The following CNTN4 variants were observed in gnomAD, a reference collection of about 807,000 sequenced individuals.
CNTN4 encodes contactin 4.
In CNTN4, 77 loss-of-function variants were observed where a neutral mutation model predicts 122.5. The ratio of observed to expected loss-of-function variants is 0.63; its 90% CI spans 0.52 to 0.76. The LOEUF is 0.76. Among genes scored for constraint, CNTN4 ranks in the 30% least tolerant of loss-of-function variants. CNTN4 has a pLI of 0.00. For missense variants in CNTN4, 1,256 were observed against 1,259.1 expected, an observed-to-expected ratio of 1.00 and a Z score of 0.04; for synonymous variants, 512 against 447.0, an observed-to-expected ratio of 1.15 and a Z score of -1.83.
intron 7 of CNTN4, among the ~76,000 whole-genome samples, chr3:2,857,930 C>G (rs978083694): frequency 6.6e-6 from 1 of 152,188 alleles, no homozygotes; most frequent in African/African-American, 2.4e-5. Flanking sequence ...CATTCTTATA[C>G]CAACAAAAGT....
intron 6 of CNTN4, among the ~76,000 whole-genome samples, chr3:2,747,309 T>G (rs955557503): frequency 1.3e-5 from 2 of 151,276 alleles, no homozygotes; most frequent in South Asian, 2.1e-4. Context: ...CTCGGGAGGC[T>G]GAGGCAGGAG....
At chr3:2,853,378 G>A (rs1310493703) in intron 7 of CNTN4, among the ~76,000 whole-genome samples, 4 of 152,100 alleles carry the variant, frequency 2.6e-5, no homozygotes, top group Non-Finnish European at 5.9e-5. Context: ...CCAAGTAGCT[G>A]AGGCTACAGG....
At chr3:2,517,420 G>A (rs186562761) in intron 3 of CNTN4, among the ~76,000 whole-genome samples, 1 of 152,096 alleles carries the variant, frequency 6.6e-6, no homozygotes, top group Non-Finnish European at 1.5e-5. Context: ...TCCCTCCAAT[G>A]ATCTGTATTA....
chr3:2,607,307 AG>A (rs2081297134), intron 4 of CNTN4, among the ~76,000 whole-genome samples: 1 of 152,202 alleles, frequency 6.6e-6, no homozygotes, highest in South Asian at 2.1e-4. Flanking sequence ...CTAGAAAAGC[AG>A]GTGCATATAC....
chr3:2,545,094 G>T (rs775041556), intron 3 of CNTN4, among the ~76,000 whole-genome samples: 7 of 152,038 alleles, frequency 4.6e-5, no homozygotes, highest in Non-Finnish European at 1.0e-4. Context: ...TAGTTTCAAA[G>T]AATTTCTTGA....
At chr3:2,180,617 G>A (rs17009111) in intron 2 of CNTN4, among the ~76,000 whole-genome samples, 45,266 of 151,786 alleles carry the variant, frequency 0.3, 7,247 homozygotes, top group East Asian at 0.46. Context: ...ATGTTTCCCA[G>A]TCCAGTTTCT....
At position 2,372,365 on chromosome 3, in the gene CNTN4, C is replaced by T. The variant is rs544411245; in HGVS notation, c.-89+33132C>T. Among the ~76,000 whole-genome samples, 7 of 152,280 alleles carry T rather than the reference C, an allele frequency of 4.6e-5. 1 individual carries two copies. In the South Asian group the frequency reaches 1.5e-3, roughly 32 times the overall value. On this transcript the variant is annotated intron_variant, in intron 3 of 24. Transcript: ENST00000418658. ...AGGAATATGTGATAGAATGTAGAAT[C>T]CAAAGGGCAATAAAATATAAATATG...
At chr3:2,812,548 GGTTT>G (rs2092637597) in intron 6 of CNTN4, among the ~76,000 whole-genome samples, 1 of 151,376 alleles carries the variant, frequency 6.6e-6, no homozygotes, top group African/African-American at 2.4e-5. Flanking sequence ...AGTCTTATCA[GGTTT>G]GTTTTTTTTG....
At chr3:2,976,422 T>A (rs1002095202) in intron 13 of CNTN4, among the ~76,000 whole-genome samples, 2 of 152,092 alleles carry the variant, frequency 1.3e-5, no homozygotes, top group African/African-American at 4.8e-5. Flanking sequence ...TGTTCAGCAG[T>A]TTATTAAACC....
At chr3:2,668,744 C>A (rs2084321151) in intron 4 of CNTN4, among the ~76,000 whole-genome samples, 1 of 152,064 alleles carries the variant, frequency 6.6e-6, no homozygotes, top group Non-Finnish European at 1.5e-5. Flanking sequence ...ATAGATAGTT[C>A]TTATTATTTT....
intron 3 of CNTN4, among the ~76,000 whole-genome samples, chr3:2,510,199 C>G (rs2076843607): frequency 6.6e-6 from 1 of 152,120 alleles, no homozygotes; most frequent in Middle Eastern, 3.2e-3. Flanking sequence ...TCCCGTCACC[C>G]CAGTGCTATT....
At chr3:2,960,366 T>C (rs1490633254) in intron 13 of CNTN4, among the ~76,000 whole-genome samples, 3 of 152,088 alleles carry the variant, frequency 2.0e-5, no homozygotes, top group Non-Finnish European at 2.9e-5. Flanking sequence ...AGAGCCATAC[T>C]TTAGATAAAT....
At chr3:2,124,604 A>G (rs887368508) in intron 2 of CNTN4, among the ~76,000 whole-genome samples, 2 of 151,986 alleles carry the variant, frequency 1.3e-5, no homozygotes, top group African/African-American at 4.8e-5. Context: ...CTCAACAACA[A>G]CAATGACAAC....
Position 2,501,703 on chromosome 3 carries a change from A to C in CNTN4, c.-88-69713A>C, listed in dbSNP as rs115100069. Reference sequence around the variant, plus strand: ...CCCTGTGATTATATTGGGCCCACCCATATAATCTAGGATAACATCCCATGT... The same window carrying C: ...CCCTGTGATTATATTGGGCCCACCCCTATAATCTAGGATAACATCCCATGT... On this transcript the variant is annotated intron_variant, in intron 3 of 24. Coordinates refer to ENST00000418658, the MANE Select transcript of CNTN4 (RefSeq NM_175607.3). Among the ~76,000 whole-genome samples the C allele has an allele frequency of 3.7e-3, 570 of 152,306 alleles. 8 individuals carry two copies. The highest frequency in any genetic ancestry group is 0.013 in the African/African-American group (542 of 41,580).
chr3:2,498,569 C>T (rs920864175), intron 3 of CNTN4, among the ~76,000 whole-genome samples: 4 of 152,132 alleles, frequency 2.6e-5, no homozygotes, highest in Non-Finnish European at 5.9e-5. Flanking sequence ...CAGCCTTGGC[C>T]TCCCAGGCTC....
intron 2 of CNTN4, among the ~76,000 whole-genome samples, chr3:2,304,027 C>A (rs544932208): frequency 6.6e-6 from 1 of 152,148 alleles, no homozygotes; most frequent in East Asian, 1.9e-4. Context: ...TCCTGTAAAT[C>A]TAGGTTACAT....
chr3:2,627,728 T>G (rs62232710), intron 4 of CNTN4, among the ~76,000 whole-genome samples: 2 of 151,836 alleles, frequency 1.3e-5, no homozygotes, highest in African/African-American at 2.4e-5. Flanking sequence ...CTCCTGACCT[T>G]GTGATCTGCC....
chr3:2,756,688 A>G (rs908135564), intron 6 of CNTN4, among the ~76,000 whole-genome samples: 1 of 152,182 alleles, frequency 6.6e-6, no homozygotes, highest in South Asian at 2.1e-4. Flanking sequence ...TCCTCATAAG[A>G]GAGTGAGGAG....
chr3:2,391,945 A>T (rs976365466), intron 3 of CNTN4, among the ~76,000 whole-genome samples: 2 of 152,214 alleles, frequency 1.3e-5, no homozygotes, highest in African/African-American at 2.4e-5. Flanking sequence ...TATGGACAGC[A>T]GCATAAAGCA....
Sources: gnomAD v4.1 joint callset for allele counts (sites outside exome capture counted in the v4.1 genomes callset) on GRCh38, gnomAD v4.1.1 for gene constraint, MANE v1.5 for transcripts, NCBI Gene and HGNC (gene_info 2026-07-23, HGNC 2026-07-21) for gene names.